Variants in LRRK2 observed in about 807,000 individuals in gnomAD.
LRRK2 encodes the protein leucine rich repeat kinase 2.
A neutral mutation model predicts 302.6 loss-of-function variants in LRRK2; 203 were observed. The observed-to-expected ratio is 0.67, with a 90% CI of 0.60 to 0.75. The LOEUF is 0.75. Ranked by LOEUF, LRRK2 falls within the 30% of genes least tolerant of loss-of-function variation. LRRK2 has a pLI of 0.00. For missense variants in LRRK2, 2,830 were observed against 2,951.0 expected, an observed-to-expected ratio of 0.96 and a Z score of 0.95; for synonymous variants, 1,066 against 1,031.9, an observed-to-expected ratio of 1.03 and a Z score of -0.63.
intron 39 of LRRK2, 76 bp downstream of exon 39, chr12:40,328,536 G>A (rs1945619971): frequency 1.8e-6 from 2 of 1,126,856 alleles, no homozygotes; most frequent in African/African-American, 3.1e-5. Flanking sequence ...GCATACAGTT[G>A]TGAAAATGCA....
chr12:40,349,073 G>A (rs1156856941), intron 43 of LRRK2, among the ~76,000 whole-genome samples: 4 of 151,884 alleles, frequency 2.6e-5, no homozygotes, highest in African/African-American at 9.7e-5. Context: ...CTTTTGACAA[G>A]ATTTTAATCC....
rs1054309963 is a variant in LRRK2 at position 40,281,805 on chromosome 12, C to T, written c.2242-2070C>T. 5.3e-5 allele frequency among the ~76,000 whole-genome samples: 8 copies of T among 152,274 alleles called. No individual in the cohort carries two copies. The East Asian group carries it at 1.4e-3, about 26-fold the overall frequency. ...AAATTCCTTCCACAAACATGTGCAG[C>T]ACACAGTGCTAGATAATTAATAGAG... On this transcript the variant is annotated intron_variant, in intron 18 of 50. Transcript: ENST00000298910.
intron 44 of LRRK2, among the ~76,000 whole-genome samples, chr12:40,352,253 T>C (rs985875521): frequency 2.6e-5 from 4 of 152,110 alleles, no homozygotes; most frequent in East Asian, 1.9e-4. Context: ...CTGTGATAAA[T>C]AGCACATCTC....
chr12:40,333,837 A>G (rs1487264878), intron 39 of LRRK2, among the ~76,000 whole-genome samples: 1 of 152,090 alleles, frequency 6.6e-6, no homozygotes, highest in African/African-American at 2.4e-5. Flanking sequence ...GAAAGGGGTC[A>G]GCACAGGCAA....
At chr12:40,250,007 G>T in intron 8 of LRRK2, 62 bp downstream of exon 8, 1 of 1,589,354 alleles carries the variant, frequency 6.3e-7, no homozygotes, top group Non-Finnish European at 8.6e-7. Context: ...TATGAACATT[G>T]TAACAAGAGA....
intron 25 of LRRK2, among the ~76,000 whole-genome samples, chr12:40,302,386 TTATAA>T (rs1405931337): frequency 1.3e-5 from 2 of 152,130 alleles, no homozygotes; most frequent in African/African-American, 4.8e-5. Context: ...ATTTTTGTCC[TTATAA>T]TATACTGTAT....
chr12:40,240,711 G>C, intron 6 of LRRK2, 94 bp downstream of exon 6: 1 of 1,203,906 alleles, frequency 8.3e-7, no homozygotes. Flanking sequence ...TTATTATTTA[G>C]AAACTTGTGG....
At chr12:40,366,259 A>T (rs1413127737) in intron 49 of LRRK2, 1 of 151,808 alleles carries the variant, frequency 6.6e-6, no homozygotes, top group African/African-American at 2.4e-5. Context: ...TTGCTTAGTT[A>T]ACATAGCTTT....
chr12:40,331,328 T>C (rs1043841929), intron 39 of LRRK2, among the ~76,000 whole-genome samples: 1 of 152,224 alleles, frequency 6.6e-6, no homozygotes, highest in African/African-American at 2.4e-5. Flanking sequence ...AAAGGGATAC[T>C]CTGTTCTTTA....
At chr12:40,314,208 G>T in intron 32 of LRRK2, 35 bp downstream of exon 32, 1 of 1,577,780 alleles carries the variant, frequency 6.3e-7, no homozygotes, top group Non-Finnish European at 8.7e-7. Flanking sequence ...TCAAAGCTCA[G>T]CTGTAGTAAC....
intron 6 of LRRK2, among the ~76,000 whole-genome samples, chr12:40,241,187 C>A (rs1332520188): frequency 4.6e-5 from 7 of 152,100 alleles, no homozygotes; most frequent in African/African-American, 1.7e-4. Context: ...CATGCACATC[C>A]CCAAATATCC....
chr12:40,331,662 A>T (rs568774103), intron 39 of LRRK2, among the ~76,000 whole-genome samples: 3 of 152,220 alleles, frequency 2.0e-5, no homozygotes, highest in Non-Finnish European at 4.4e-5. Flanking sequence ...ATTCAAAGCC[A>T]TCCTGGGCCA....
In LRRK2 at chr12:40,315,276, G is replaced by A. The variant is rs1945177316; in HGVS notation, c.4803G>A (p.Lys1601=). The change falls in exon 33 of 51, where the codon AAG becomes AAA. Residue 1601 remains lysine, a synonymous_variant. Transcript: ENST00000298910. ...QLSDLYFVEP[K]WLCKIMAQIL... ...GTGACTTGTACTTTGTGGAACCCAAGTGGCTTTGTAAAATCATGGCACAGG... is the reference window on the plus strand; with the variant it reads ...GTGACTTGTACTTTGTGGAACCCAAATGGCTTTGTAAAATCATGGCACAGG... The A allele has an allele frequency of 2.5e-6, 4 of 1,612,646 alleles. No homozygotes were observed. The highest frequency in any genetic ancestry group is 3.4e-6 in the Non-Finnish European group (4 of 1,178,880).
At chr12:40,306,605 T>C (rs1209249244) in intron 28 of LRRK2, among the ~76,000 whole-genome samples, 1 of 152,182 alleles carries the variant, frequency 6.6e-6, no homozygotes, top group Non-Finnish European at 1.5e-5. Context: ...CCACAGTTAC[T>C]GTATTAACGT....
At chr12:40,342,871 G>A (rs532188704) in intron 41 of LRRK2, among the ~76,000 whole-genome samples, 151 of 152,086 alleles carry the variant, frequency 9.9e-4, no homozygotes, top group Non-Finnish European at 1.9e-3. Context: ...GGTCCATTAC[G>A]GCTGTATTAG....
intron 34 of LRRK2, 103 bp downstream of exon 34, chr12:40,320,278 A>C: frequency 1.0e-6 from 1 of 965,076 alleles, no homozygotes; most frequent in Non-Finnish European, 1.5e-6. Context: ...TAAATAAATA[A>C]ATATATTTTG....
intron 7 of LRRK2, among the ~76,000 whole-genome samples, chr12:40,247,296 TC>T (rs1942026758): frequency 6.6e-6 from 1 of 151,920 alleles, no homozygotes; most frequent in Non-Finnish European, 1.5e-5. Context: ...GTTTGTTATT[TC>T]TTTCCTTGAC....
chr12:40,304,022 T>A lies in LRRK2; in HGVS notation c.3665T>A (p.Leu1222Ter). 1 of 1,613,788 alleles carries A rather than the reference T, an allele frequency of 6.2e-7. No homozygotes were observed. The highest frequency in any genetic ancestry group is 2.2e-5 in the East Asian group (1 of 44,846). Residue 1222 changes from leucine to a stop codon, truncating the protein, a stop_gained, in exon 27 of 51, where the codon TTA (leucine) becomes TAA (stop). Coordinates refer to ENST00000298910, the MANE Select transcript of LRRK2 (RefSeq NM_198578.4). LOFTEE classifies it high-confidence loss of function. Reference protein sequence around the residue: ...PGPAHWKSLNLRELLFSHNQI... With the variant: ...PGPAHWKSLN The stretch of plus-strand genomic sequence containing the variant: ...CCCGCACACTGGAAATCTTTGAACT[T>A]AAGGGAACTCTTATTTAGCCATAAT...
chr12:40,266,084 A>T (rs1031069882), intron 14 of LRRK2, among the ~76,000 whole-genome samples: 2 of 152,248 alleles, frequency 1.3e-5, no homozygotes, highest in Non-Finnish European at 2.9e-5. Flanking sequence ...TTCAGGACAT[A>T]GGCATAGGCA....
Sources: allele counts gnomAD v4.1 joint callset (sites outside exome capture counted in the v4.1 genomes callset), GRCh38; gene constraint gnomAD v4.1.1; transcripts MANE v1.5; gene names NCBI Gene and HGNC (gene_info 2026-07-23, HGNC 2026-07-21).